SYNE2: variants seen among roughly 807,000 people sequenced by gnomAD.
SYNE2 encodes nesprin-2.
Under a neutral mutation model 856.3 loss-of-function variants are expected in SYNE2, and 431 were observed. That is an observed-to-expected ratio of 0.50 (90% CI 0.47 to 0.55). SYNE2 has a LOEUF of 0.55. Among genes scored for constraint, SYNE2 ranks in the 20% least tolerant of loss-of-function variants. The probability of loss-of-function intolerance (pLI) is 0.00; values close to 1 mark genes in which losing one functional copy is unlikely to be tolerated. For missense variants in SYNE2, 8,129 were observed against 8,023.2 expected, an observed-to-expected ratio of 1.01 and a Z score of -0.50; for synonymous variants, 2,923 against 2,872.3, an observed-to-expected ratio of 1.02 and a Z score of -0.56.
chr14:64,104,699 C>A (rs1043784719), intron 64 of SYNE2, among the ~76,000 whole-genome samples: 2 of 152,130 alleles, frequency 1.3e-5, no homozygotes, highest in African/African-American at 4.8e-5. Context: ...GATCCACCTG[C>A]CTTGGCCTCC....
At chr14:63,852,311 C>G (rs1274593406), upstream of SYNE2, among the ~76,000 whole-genome samples, 1 of 152,080 alleles carries the variant, frequency 6.6e-6, no homozygotes, top group African/African-American at 2.4e-5. Context: ...TCCAAAGGGA[C>G]TGATTATGGG....
chr14:63,805,763 T>C (rs1320238493), intron 1 of SYNE2, among the ~76,000 whole-genome samples: 2 of 152,346 alleles, frequency 1.3e-5, no homozygotes, highest in East Asian at 1.9e-4. Flanking sequence ...GATTGCATTA[T>C]TGATTTGGCT....
At chr14:63,917,053 T>A (rs2095541936) in intron 2 of SYNE2, among the ~76,000 whole-genome samples, 1 of 152,150 alleles carries the variant, frequency 6.6e-6, no homozygotes, top group Non-Finnish European at 1.5e-5. Flanking sequence ...CGTACCACTG[T>A]GCTCTAGGCT....
intron 50 of SYNE2, 40 bp downstream of exon 50, chr14:64,062,935 A>C: frequency 6.2e-7 from 1 of 1,613,606 alleles, no homozygotes. Context: ...CTGTGTGCAA[A>C]AAATTGCAGA....
chr14:63,872,008 C>A (rs529971276), intron 1 of SYNE2, among the ~76,000 whole-genome samples: 1 of 152,184 alleles, frequency 6.6e-6, no homozygotes, highest in Non-Finnish European at 1.5e-5. Context: ...TGTTGCTTAA[C>A]AATTTTGTTG....
intron 1 of SYNE2, among the ~76,000 whole-genome samples, chr14:63,894,964 G>A (rs1050814537): frequency 6.6e-5 from 10 of 152,170 alleles, no homozygotes; most frequent in Non-Finnish European, 1.5e-4. Context: ...TGTGTTTTCC[G>A]TAGGGATGCT....
chr14:64,188,980 C>T, intron 98 of SYNE2: 2 of 702,426 alleles, frequency 2.8e-6, no homozygotes, highest in South Asian at 1.5e-5. Flanking sequence ...AAGGGGCTTA[C>T]ATATCCTTAC....
intron 30 of SYNE2, 93 bp downstream of exon 30, chr14:64,003,423 C>T: frequency 1.3e-6 from 2 of 1,488,432 alleles, no homozygotes; most frequent in Non-Finnish European, 1.9e-6. Flanking sequence ...CTATGTCTTT[C>T]TGCTTCTATT....
chr14:64,151,156 C>G (rs994089885), intron 84 of SYNE2, among the ~76,000 whole-genome samples: 1 of 151,976 alleles, frequency 6.6e-6, no homozygotes, highest in Non-Finnish European at 1.5e-5. Context: ...GATTTTTTTC[C>G]CTTTTTCTAC....
intron 1 of SYNE2, among the ~76,000 whole-genome samples, chr14:63,878,155 A>G (rs1035151480): frequency 6.6e-6 from 1 of 151,832 alleles, no homozygotes; most frequent in South Asian, 2.1e-4. Flanking sequence ...CCAAAGTGCT[A>G]GGATTACAGG....
chr14:64,205,070 C>A (rs2098598728), intron 100 of SYNE2, among the ~76,000 whole-genome samples: 1 of 152,162 alleles, frequency 6.6e-6, no homozygotes, highest in African/African-American at 2.4e-5. Context: ...CTGTTAAGGA[C>A]CCTTAGGATT....
At chr14:63,969,284 CT>C (rs2096441934) in intron 11 of SYNE2, among the ~76,000 whole-genome samples, 1 of 151,064 alleles carries the variant, frequency 6.6e-6, no homozygotes, top group African/African-American at 2.4e-5. Context: ...ATTCTTCTGC[CT>C]CAGCTCCTGA....
At chr14:63,864,104 C>T (rs548624168) in intron 1 of SYNE2, among the ~76,000 whole-genome samples, 4 of 152,276 alleles carry the variant, frequency 2.6e-5, no homozygotes, top group East Asian at 1.9e-4. Context: ...TGAGCCACGG[C>T]GCCTGGCCAA....
chr14:64,085,029 A>G (rs978149272), intron 57 of SYNE2: 1 of 702,140 alleles, frequency 1.4e-6, no homozygotes, highest in African/African-American at 1.7e-5. Context: ...CAGCATAAAC[A>G]ATCTCCAAGA....
Position 64,128,507 on chromosome 14 carries a change from A to G in SYNE2, c.13973A>G (p.Gln4658Arg). The change falls in exon 74 of 116, where the codon CAG becomes CGG. Residue 4658 changes from glutamine (Q) to arginine (R), a missense_variant. By Grantham distance (43) the Gln-to-Arg change is conservative. This residue lies in a region of SYNE2 where 5,410 missense variants were observed against 5,284.8 expected (regional missense o/e 1.02). Transcript: ENST00000555002. ...ATTAAGAGTAAGACATCTTTACAAC[A>G]GTCTTTGAATGAAATCAGTGGGCAG... ...QLIKSKTSLQ[Q>R]SLNEISGQSV... is the part of the protein sequence containing the mutation. 3.1e-6 allele frequency: 5 copies of G among 1,610,450 alleles called. No homozygotes were observed. Among genetic ancestry groups the G allele is most frequent in the Non-Finnish European group, 4.2e-6 (5 of 1,176,586 alleles).
chr14:63,804,557 G>A (rs1888285125), intron 1 of SYNE2, among the ~76,000 whole-genome samples: 1 of 151,804 alleles, frequency 6.6e-6, no homozygotes, highest in Admixed American at 6.6e-5. Flanking sequence ...GCAATGGCGC[G>A]ATCTTGGCTC....
intron 99 of SYNE2, among the ~76,000 whole-genome samples, chr14:64,200,368 G>C (rs1302528395): frequency 6.6e-6 from 1 of 152,146 alleles, no homozygotes; most frequent in Non-Finnish European, 1.5e-5. Flanking sequence ...GGAAGCTCTC[G>C]TGGCTGGGCC....
intron 1 of SYNE2, among the ~76,000 whole-genome samples, chr14:63,778,379 C>T (rs979816294): frequency 6.6e-6 from 1 of 152,116 alleles, no homozygotes; most frequent in African/African-American, 2.4e-5. Flanking sequence ...GTCTTTACAG[C>T]AGTGTGAAAA....
Position 64,160,735 on chromosome 14 carries a change from C to T in SYNE2, c.16094+1293C>T, listed in dbSNP as rs1207520095. On this transcript the variant is annotated intron_variant, in intron 87 of 115. Transcript: ENST00000555002. The stretch of plus-strand genomic sequence containing the variant: ...TAATGCTTTCAGAAAGGAGATTGAC[C>T]ATTTATTCCCAAAGCCTTACAAATA... Among the ~76,000 whole-genome samples the T allele has an allele frequency of 2.0e-5, 3 of 152,072 alleles. No homozygotes were observed. The East Asian group carries it at 5.8e-4, about 29-fold the overall frequency.
Sources: allele counts gnomAD v4.1 joint callset (sites outside exome capture counted in the v4.1 genomes callset), GRCh38; gene constraint gnomAD v4.1.1; regional missense constraint gnomAD v4.1.1; transcripts MANE v1.5; gene names NCBI Gene and HGNC (gene_info 2026-07-23, HGNC 2026-07-21).